The following PDZD7 variants were observed in gnomAD, a reference collection of about 807,000 sequenced individuals.
PDZD7 encodes the protein PDZ domain containing 7.
A neutral mutation model predicts 84.7 loss-of-function variants in PDZD7; 72 were observed. That is an observed-to-expected ratio of 0.85 (90% CI 0.70 to 1.03). The LOEUF (loss-of-function observed/expected upper bound fraction) is 1.03, where lower values mean the gene tolerates loss of function less well. PDZD7 is among the 50% of genes least tolerant of loss of function. PDZD7 has a pLI of 0.00. For synonymous variants in PDZD7, 594 were observed against 580.7 expected, an observed-to-expected ratio of 1.02 and a Z score of -0.33; for missense variants, 1,490 against 1,412.9, an observed-to-expected ratio of 1.05 and a Z score of -0.87.
At chr10:101,022,665 G>A (rs999510104) in intron 4 of PDZD7, among the ~76,000 whole-genome samples, 5 of 151,256 alleles carry the variant, frequency 3.3e-5, no homozygotes, top group African/African-American at 4.9e-5. Context: ...GTGTGATCAT[G>A]GCTCACTGCA....
At position 101,010,560 on chromosome 10, in the gene PDZD7, G is replaced by T; in HGVS notation, c.2329C>A (p.Arg777Ser). Residue 777 changes from arginine (R) to serine (S), a missense_variant, in exon 15 of 17, where the codon CGT becomes AGT. Arg to Ser is a moderately radical substitution (Grantham distance 110). Coordinates refer to ENST00000619208, the MANE Select transcript of PDZD7 (RefSeq NM_001195263.2). The part of the protein sequence containing the change: ...RGRAQSRSRS[R>S]SRSRSRSSRG... ...CTGCTGCGGCTGCGGCTGCGGCTAC[G>T]GCTGCGGCTACGGCTCTGAGCCCGG... 2 of 1,492,050 alleles carry T rather than the reference G, an allele frequency of 1.3e-6. No homozygotes were observed. The highest frequency in any genetic ancestry group is 1.8e-6 in the Non-Finnish European group (2 of 1,110,292). The allele number at this position is 1,492,050 out of a possible 1,614,324, so 92.4% of individuals were successfully genotyped here.
rs1287519093 is a variant in PDZD7 at position 101,022,372 on chromosome 10, T to A, written c.556A>T (p.Asn186Tyr). The change falls in exon 5 of 17, where the codon AAT (asparagine) becomes TAT (tyrosine). Residue 186 changes from asparagine (N) to tyrosine (Y), a missense_variant. Transcript: ENST00000619208. ...KEKTTWVDVVNRRLVVEKCGS... is the reference protein window; with the variant it reads ...KEKTTWVDVVYRRLVVEKCGS... ...CACTTCTCCACTACCAGGCGCCGAT[T>A]CACCACATCCACCCTGGACAACAGC... 1.9e-6 allele frequency: 3 copies of A among 1,614,128 alleles called. No individual in the cohort carries two copies. The highest frequency in any genetic ancestry group is 8.5e-7 in the Non-Finnish European group (1 of 1,180,014).
intron 7 of PDZD7, among the ~76,000 whole-genome samples, 173 bp downstream of exon 7, chr10:101,020,445 C>A (rs1050120018): frequency 8.5e-5 from 13 of 152,100 alleles, no homozygotes; most frequent in African/African-American, 3.1e-4. Flanking sequence ...CCTATATGGC[C>A]AAGACTGGTC....
At position 101,022,164 on chromosome 10, in the gene PDZD7, C is replaced by G. The variant is rs374332608; in HGVS notation, c.719+45G>C. ...CCCAGCCTAGGCCCCACTCCAGACC[C>G]CATTCTCAGTTCTACCCGAAGACAC... is the stretch of plus-strand genomic sequence containing the variant. On this transcript the variant is annotated intron_variant, in intron 5 of 16. Transcript: ENST00000619208. The G allele has an allele frequency of 2.9e-5, 47 of 1,611,798 alleles. No individual in the cohort carries two copies. In the East Asian group the frequency reaches 3.8e-4, roughly 13 times the overall value.
rs542660627 is a variant in PDZD7, at chr10:101,012,585, C to T, written c.1750-327G>A. Among the ~76,000 whole-genome samples, 23 of 38,964 alleles carry T rather than the reference C, an allele frequency of 5.9e-4. No homozygotes were observed. In the South Asian group the frequency reaches 0.01, roughly 17 times the overall value. 25.6% of individuals were successfully genotyped at this position (38,964 alleles called of 152,430 possible). ...ATTAATTATTCCCGTTTTACAGATG[C>T]GGAAACAGGCTCAGAGAGAAGGACT... On this transcript the variant is annotated intron_variant, in intron 11 of 16. Transcript: ENST00000619208.
rs752646655 is a variant in PDZD7, at chr10:101,023,618, A to G, written c.368-8T>C. 7 of 1,610,588 alleles carry G rather than the reference A, an allele frequency of 4.3e-6. No individual in the cohort carries two copies. In the South Asian group the frequency reaches 4.4e-5, roughly 10 times the overall value. ...CGCACAGGCCAGCCCGCTCTGCACC[A>G]CAGGATGGGAGTGGCTGGCATGGGT... On this transcript the variant is annotated splice_polypyrimidine_tract_variant and splice_region_variant and intron_variant, in intron 3 of 16. Coordinates refer to ENST00000619208, the MANE Select transcript of PDZD7 (RefSeq NM_001195263.2).
At position 101,009,292 on chromosome 10, in the gene PDZD7, C is replaced by T; in HGVS notation, c.2676G>A (p.Lys892=). The change falls in exon 16 of 17, where the codon AAG becomes AAA. Residue 892 remains lysine (K), a synonymous_variant. Transcript: ENST00000619208. ...GGAAAGCGGCCCCCCCAGGGAAGAT[C>T]TTCTCTATCTTCACCATGGGCTGCA... is the stretch of plus-strand genomic sequence containing the variant. ...SKVQPMVKIE[K]IFPGGAAFLS... is the part of the protein sequence containing the mutation. The T allele has an allele frequency of 6.5e-7, 1 of 1,535,932 alleles. No individual in the cohort carries two copies. The highest frequency in any genetic ancestry group is 1.4e-5 in the African/African-American group (1 of 73,136).
At chr10:101,029,665 G>A (rs1012213513) in intron 2 of PDZD7, among the ~76,000 whole-genome samples, 5 of 152,210 alleles carry the variant, frequency 3.3e-5, no homozygotes, top group Non-Finnish European at 7.3e-5. Flanking sequence ...CTGGAGAAGG[G>A]CAGAGCCCAT....
chr10:101,008,941 C>G, intron 16 of PDZD7, 91 bp from the exon 17 acceptor site: 2 of 1,392,400 alleles, frequency 1.4e-6, no homozygotes, highest in Non-Finnish European at 1.9e-6. Context: ...CACCTCCACC[C>G]ATGAGGACAC....
At position 101,010,823 on chromosome 10, in the gene PDZD7, C is replaced by A; in HGVS notation, c.2066G>T (p.Gly689Val). 6.5e-7 allele frequency: 1 copy of A among 1,535,262 alleles called. No homozygotes were observed. The highest frequency in any genetic ancestry group is 1.4e-5 in the African/African-American group (1 of 73,134). Residue 689 changes from glycine (G) to valine (V), a missense_variant, in exon 15 of 17, where the codon GGG becomes GTG. Transcript: ENST00000619208. The part of the protein sequence containing the change: ...VNGFPEEEDN[G>V]ELRERLGALK... ...GGCCCCCAGCCGCTCCCTCAGCTCC[C>A]CATTATCTTCCTCTTCCGGGAAGCC...
intron 7 of PDZD7, among the ~76,000 whole-genome samples, chr10:101,019,924 C>CT (rs558038621): frequency 0.019 from 2,612 of 138,090 alleles, 46 homozygotes; most frequent in South Asian, 0.078. Context: ...CCGCGCCAGG[C>CT]TTTTTTTTTT....
chr10:101,026,138 A>ATT (rs1272762075), intron 2 of PDZD7, among the ~76,000 whole-genome samples: 1 of 145,224 alleles, frequency 6.9e-6, no homozygotes, highest in Non-Finnish European at 1.5e-5. Flanking sequence ...TCGGGGAAGA[A>ATT]TTTTTTTTTT....
chr10:101,016,251 C>T, intron 10 of PDZD7, 126 bp downstream of exon 10: 2 of 960,424 alleles, frequency 2.1e-6, no homozygotes, highest in Admixed American at 2.0e-5. Flanking sequence ...ACCATTCTAG[C>T]TGCCTGATCC....
chr10:101,017,847 G>GAAAGAAAGAA, intron 9 of PDZD7: 1 of 309,304 alleles, frequency 3.2e-6, no homozygotes, highest in East Asian at 4.5e-5. Flanking sequence ...AGGAAAGAAA[G>GAAAGAAAGAA]AAAGAAAGAA....
intron 9 of PDZD7, chr10:101,017,874 A>AAAG (rs1852759528): frequency 2.7e-6 from 1 of 376,622 alleles, no homozygotes; most frequent in African/African-American, 3.1e-5. Flanking sequence ...AAAGAAAGAA[A>AAAG]GAAAGAAAGA....
chr10:101,030,479 C>T, intron 1 of PDZD7, 95 bp from the exon 2 acceptor site: 3 of 624,734 alleles, frequency 4.8e-6, no homozygotes, highest in South Asian at 3.5e-5. Context: ...AGCATCCTGC[C>T]CTCCCATGCC....
chr10:101,009,831 T>G (rs1852335932), intron 15 of PDZD7, among the ~76,000 whole-genome samples: 1 of 152,160 alleles, frequency 6.6e-6, no homozygotes, highest in African/African-American at 2.4e-5. Flanking sequence ...GGTCTTGAAC[T>G]CCTGACCTCA....
intron 2 of PDZD7, among the ~76,000 whole-genome samples, chr10:101,029,561 G>A (rs573612462): frequency 2.0e-5 from 3 of 152,272 alleles, no homozygotes; most frequent in Admixed American, 6.5e-5. Flanking sequence ...CTGACTCCTC[G>A]CAGCCCAGCA....
rs1415308308 is a variant in PDZD7 at position 101,023,611 on chromosome 10, C to T, written c.368-1G>A. 1.2e-6 allele frequency: 2 copies of T among 1,611,408 alleles called. No homozygotes were observed. Among genetic ancestry groups the T allele is most frequent in the South Asian group, 2.2e-5 (2 of 91,078 alleles). ...TCCCCCACGCACAGGCCAGCCCGCT[C>T]TGCACCACAGGATGGGAGTGGCTGG... On this transcript the variant is annotated splice_acceptor_variant, in intron 3 of 16. Transcript: ENST00000619208. LOFTEE classifies it high-confidence loss of function.
Sources: gnomAD v4.1 joint callset for allele counts (sites outside exome capture counted in the v4.1 genomes callset) on GRCh38, gnomAD v4.1.1 for gene constraint, MANE v1.5 for transcripts, NCBI Gene and HGNC (gene_info 2026-07-23, HGNC 2026-07-21) for gene names.